SPIDR: variants seen among roughly 807,000 people sequenced by gnomAD.
SPIDR encodes the protein DNA repair-scaffolding protein.
Under a neutral mutation model 104.6 loss-of-function variants are expected in SPIDR, and 93 were observed. That is an observed-to-expected ratio of 0.89 (90% CI 0.75 to 1.06). The LOEUF (loss-of-function observed/expected upper bound fraction) is 1.06, where lower values mean the gene tolerates loss of function less well. Ranked by LOEUF, SPIDR falls within the 50% of genes least tolerant of loss-of-function variation. The pLI is 0.00. For missense variants in SPIDR, 1,154 were observed against 1,111.2 expected (o/e 1.04, Z -0.55); for synonymous variants, 431 against 416.9 (o/e 1.03, Z -0.41).
chr8:47,396,398 A>G lies in SPIDR; in HGVS notation c.548A>G (p.Glu183Gly). ...LPKPSSIEIL[E>G]YSSDSEKEDD... ...CAGCCAAGTTCTATAGAAATTTTAG[A>G]GTATTCATCAGATAGTGAAAAAGAA... The change falls in exon 6 of 20, where the codon GAG (glutamate) becomes GGG (glycine). Residue 183 changes from glutamate (E) to glycine (G), a missense_variant. Glu to Gly is a moderately conservative substitution (Grantham distance 98, BLOSUM62 -2). Transcript: ENST00000297423. 6.2e-7 allele frequency: 1 copy of G among 1,606,508 alleles called. No homozygotes were observed. The highest frequency in any genetic ancestry group is 8.5e-7 in the Non-Finnish European group (1 of 1,174,660).
At position 47,595,840 on chromosome 8, in the gene SPIDR, G is replaced by T; in HGVS notation, c.1127G>T (p.Cys376Phe). 1.9e-6 allele frequency: 3 copies of T among 1,614,082 alleles called. No individual in the cohort carries two copies. Among genetic ancestry groups the T allele is most frequent in the Non-Finnish European group, 2.5e-6 (3 of 1,180,012 alleles). Reference sequence around the variant, plus strand: ...AAACTGATTATTCCAAGTGGAAGTTGCCCTGTTATTCTGAATACTTACTTT... The same window carrying T: ...AAACTGATTATTCCAAGTGGAAGTTTCCCTGTTATTCTGAATACTTACTTT... ...WQKLIIPSGS[C>F]PVILNTYFCE... The change falls in exon 9 of 20, where the codon TGC (cysteine) becomes TTC (phenylalanine). Residue 376 changes from cysteine to phenylalanine, a missense_variant. Transcript: ENST00000297423.
chr8:47,472,090 C>A (rs2075783795), intron 8 of SPIDR, among the ~76,000 whole-genome samples: 1 of 152,166 alleles, frequency 6.6e-6, no homozygotes, highest in Non-Finnish European at 1.5e-5. Context: ...CTTGCAGTAA[C>A]CCTCAGAGTT....
chr8:47,675,538 G>A (rs192439182), intron 11 of SPIDR, among the ~76,000 whole-genome samples: 78 of 152,212 alleles, frequency 5.1e-4, no homozygotes, highest in African/African-American at 1.8e-3. Context: ...AATATTCATT[G>A]TAGGCCAGGC....
chr8:47,283,666 T>C (rs2038255568), intron 2 of SPIDR, among the ~76,000 whole-genome samples: 1 of 152,242 alleles, frequency 6.6e-6, no homozygotes, highest in African/African-American at 2.4e-5. Context: ...TGAGATATTC[T>C]GGATAATTTT....
At chr8:47,490,303 A>C (rs1209958335) in intron 8 of SPIDR, among the ~76,000 whole-genome samples, 1 of 152,228 alleles carries the variant, frequency 6.6e-6, no homozygotes, top group Non-Finnish European at 1.5e-5. Context: ...ATGAGATACC[A>C]TGTCACACCA....
chr8:47,361,417 A>G (rs1438566579), intron 5 of SPIDR, among the ~76,000 whole-genome samples: 2 of 152,234 alleles, frequency 1.3e-5, no homozygotes, highest in Admixed American at 1.3e-4. Flanking sequence ...TGGGCATCCC[A>G]CTTGTGAATT....
intron 5 of SPIDR, among the ~76,000 whole-genome samples, chr8:47,358,048 C>T (rs919145264): frequency 3.7e-4 from 57 of 152,244 alleles, no homozygotes; most frequent in African/African-American, 1.3e-3. Context: ...AATGACTGTT[C>T]GGCAGACTAT....
intron 5 of SPIDR, among the ~76,000 whole-genome samples, chr8:47,302,251 T>C (rs1460739457): frequency 1.3e-5 from 2 of 152,096 alleles, no homozygotes; most frequent in Non-Finnish European, 1.5e-5. Context: ...TACTGAGGCT[T>C]GTGCATTCGT....
intron 5 of SPIDR, among the ~76,000 whole-genome samples, chr8:47,308,930 A>G (rs1377712629): frequency 6.6e-6 from 1 of 152,222 alleles, no homozygotes; most frequent in Admixed American, 6.5e-5. Context: ...AATTATATTC[A>G]GGCCTTCCCC....
chr8:47,711,325 G>C (rs1426050198), intron 14 of SPIDR, among the ~76,000 whole-genome samples: 1 of 152,032 alleles, frequency 6.6e-6, no homozygotes, highest in African/African-American at 2.4e-5. Context: ...ATGGCTTTTT[G>C]GTTTTGGGGT....
chr8:47,567,368 C>T (rs985066362), intron 8 of SPIDR, among the ~76,000 whole-genome samples: 1 of 151,468 alleles, frequency 6.6e-6, no homozygotes, highest in Non-Finnish European at 1.5e-5. Context: ...TACAGCCATG[C>T]GCCACCACGC....
intron 5 of SPIDR, among the ~76,000 whole-genome samples, chr8:47,354,370 T>C (rs1450861491): frequency 6.6e-6 from 1 of 151,976 alleles, no homozygotes; most frequent in Admixed American, 6.6e-5. Context: ...AGAAGTGCAT[T>C]TTTTTGCATT....
chr8:47,537,411 G>GA (rs2087106260), intron 8 of SPIDR, among the ~76,000 whole-genome samples: 1 of 152,136 alleles, frequency 6.6e-6, no homozygotes. Context: ...GTCAAGCCAT[G>GA]AAAAAACATA....
At chr8:47,306,135 T>C (rs368856656) in intron 5 of SPIDR, among the ~76,000 whole-genome samples, 5 of 152,160 alleles carry the variant, frequency 3.3e-5, no homozygotes, top group African/African-American at 1.2e-4. Flanking sequence ...ATCCATGTTG[T>C]TAGAATTTTT....
At chr8:47,598,702 A>G (rs893658349) in intron 9 of SPIDR, among the ~76,000 whole-genome samples, 5 of 152,186 alleles carry the variant, frequency 3.3e-5, no homozygotes, top group African/African-American at 9.7e-5. Context: ...TGGTATAGCA[A>G]ACATCCTGCT....
At chr8:47,580,388 C>G (rs548752746) in intron 8 of SPIDR, among the ~76,000 whole-genome samples, 1 of 152,118 alleles carries the variant, frequency 6.6e-6, no homozygotes, top group Non-Finnish European at 1.5e-5. Context: ...AAGCTCTTCT[C>G]GGAACTCTGC....
chr8:47,506,164 G>T (rs1489043046), intron 8 of SPIDR, among the ~76,000 whole-genome samples: 2 of 152,198 alleles, frequency 1.3e-5, no homozygotes, highest in African/African-American at 4.8e-5. Context: ...AGCAGAACAT[G>T]TTTGGCTGCT....
chr8:47,628,103 A>C (rs185607685), intron 10 of SPIDR, among the ~76,000 whole-genome samples: 123 of 152,340 alleles, frequency 8.1e-4, no homozygotes, highest in Middle Eastern at 3.4e-3. Flanking sequence ...ATCCATCCTT[A>C]AAAACAAACG....
At chr8:47,480,911 T>G (rs782261235) in intron 8 of SPIDR, among the ~76,000 whole-genome samples, 5 of 152,272 alleles carry the variant, frequency 3.3e-5, no homozygotes, top group African/African-American at 7.2e-5. Context: ...TTTATTAACC[T>G]TGCTGGACCT....
Sources: allele counts gnomAD v4.1 joint callset (sites outside exome capture counted in the v4.1 genomes callset), GRCh38; gene constraint gnomAD v4.1.1; transcripts MANE v1.5; gene names NCBI Gene and HGNC (gene_info 2026-07-23, HGNC 2026-07-21).